IPO11: variants seen among roughly 807,000 people sequenced by gnomAD.
The protein encoded by IPO11 is importin 11.
Under a neutral mutation model 143.2 loss-of-function variants are expected in IPO11, and 66 were observed. That is an observed-to-expected ratio of 0.46 (90% CI 0.38 to 0.57). IPO11 has a LOEUF of 0.57. Ranked by LOEUF, IPO11 falls within the 20% of genes least tolerant of loss-of-function variation. The pLI is 0.00. For synonymous variants in IPO11, 385 were observed against 377.8 expected (o/e 1.02, Z -0.22); for missense variants, 1,026 against 1,141.0 (o/e 0.90, Z 1.45).
At chr5:62,560,664 A>C (rs1743739827) in intron 26 of IPO11, 1 of 152,368 alleles carries the variant, frequency 6.6e-6, no homozygotes, top group Admixed American at 6.5e-5. Context: ...TGTCTTAGGA[A>C]ATAATTCATT....
At chr5:62,544,861 A>C (rs571642493) in intron 24 of IPO11, among the ~76,000 whole-genome samples, 1 of 152,304 alleles carries the variant, frequency 6.6e-6, no homozygotes, top group African/African-American at 2.4e-5. Flanking sequence ...CTTCAAAGAG[A>C]ATAAAATACC....
chr5:62,609,434 A>G (rs1007316467), intron 29 of IPO11, among the ~76,000 whole-genome samples: 3 of 152,318 alleles, frequency 2.0e-5, no homozygotes, highest in Middle Eastern at 3.4e-3. Flanking sequence ...AAATCCCTAT[A>G]ATAAGGCCAA....
intron 1 of IPO11, among the ~76,000 whole-genome samples, chr5:62,436,866 GTTAC>G (rs1026226143): frequency 3.3e-5 from 5 of 152,158 alleles, no homozygotes; most frequent in Non-Finnish European, 5.9e-5. Context: ...AAAGTTAGGT[GTTAC>G]TTACTGTATG....
At chr5:62,499,167 C>G (rs1003165871) in intron 16 of IPO11, among the ~76,000 whole-genome samples, 6 of 152,084 alleles carry the variant, frequency 3.9e-5, no homozygotes, top group African/African-American at 1.4e-4. Context: ...AGGCGATTTC[C>G]TCATTGTGGG....
intron 24 of IPO11, among the ~76,000 whole-genome samples, chr5:62,547,263 A>G (rs1182276737): frequency 1.3e-5 from 2 of 152,166 alleles, no homozygotes; most frequent in African/African-American, 2.4e-5. Context: ...TGAATAGTAG[A>G]TAGAAATAAG....
intron 12 of IPO11, among the ~76,000 whole-genome samples, chr5:62,486,800 C>T (rs1580236121): frequency 6.6e-6 from 1 of 151,854 alleles, no homozygotes; most frequent in Admixed American, 6.6e-5. Context: ...TATAATGAGC[C>T]CTTCATGATA....
At chr5:62,555,044 T>C (rs1268827055) in intron 26 of IPO11, among the ~76,000 whole-genome samples, 1 of 152,192 alleles carries the variant, frequency 6.6e-6, no homozygotes, top group Non-Finnish European at 1.5e-5. Flanking sequence ...TCTGGTGGTG[T>C]GATGCCTCTA....
At chr5:62,510,439 T>G (rs1741706590) in intron 19 of IPO11, among the ~76,000 whole-genome samples, 1 of 152,184 alleles carries the variant, frequency 6.6e-6, no homozygotes, top group South Asian at 2.1e-4. Context: ...GTAAAACTAT[T>G]TGAGTTTTAG....
Position 62,515,450 on chromosome 5 carries a change from A to G in IPO11, c.1845A>G (p.Glu615=), listed in dbSNP as rs369338875. The change falls in exon 20 of 30, where the codon GAA becomes GAG. Residue 615 remains glutamate (E), a synonymous_variant. Coordinates refer to ENST00000325324, the MANE Select transcript of IPO11 (RefSeq NM_016338.5). ...YLPLLWKQSE[E]HNMLRCAILT... ...CCCTCCTTTGGAAGCAGAGTGAAGAACACAATATGTTGAGATGTGCTATTT... is the reference window on the plus strand; with the variant it reads ...CCCTCCTTTGGAAGCAGAGTGAAGAGCACAATATGTTGAGATGTGCTATTT... 34 of 1,611,308 alleles carry G rather than the reference A, an allele frequency of 2.1e-5. No homozygotes were observed. The highest frequency in any genetic ancestry group is 2.3e-5 in the Non-Finnish European group (27 of 1,179,006).
At chr5:62,608,840 A>T (rs1267087831) in intron 29 of IPO11, among the ~76,000 whole-genome samples, 1 of 152,216 alleles carries the variant, frequency 6.6e-6, no homozygotes, top group Non-Finnish European at 1.5e-5. Context: ...ATAAATGTAT[A>T]ACGATGTGTA....
At chr5:62,568,315 G>C (rs1474143769) in intron 27 of IPO11, among the ~76,000 whole-genome samples, 1 of 150,124 alleles carries the variant, frequency 6.7e-6, no homozygotes, top group African/African-American at 2.5e-5. Flanking sequence ...TTTTTCTTCT[G>C]CTTGATCAGT....
At chr5:62,452,969 A>C (rs1216562242) in intron 5 of IPO11, among the ~76,000 whole-genome samples, 1 of 150,422 alleles carries the variant, frequency 6.6e-6, no homozygotes, top group Non-Finnish European at 1.5e-5. Context: ...CCCATGCTTT[A>C]AAGTGTTTTT....
intron 16 of IPO11, 140 bp from the exon 17 acceptor site, chr5:62,504,527 A>T: frequency 1.8e-6 from 1 of 546,550 alleles, no homozygotes; most frequent in Non-Finnish European, 3.2e-6. Flanking sequence ...GTATCCCTTT[A>T]TTTCTGAATA....
chr5:62,579,491 C>T, intron 27 of IPO11: 1 of 1,550,774 alleles, frequency 6.4e-7, no homozygotes, highest in Non-Finnish European at 8.7e-7. Context: ...CTGGTTGTTA[C>T]CTGTTATCTT....
chr5:62,460,284 T>A (rs1162718660), intron 5 of IPO11, among the ~76,000 whole-genome samples: 5 of 152,042 alleles, frequency 3.3e-5, no homozygotes, highest in Admixed American at 6.6e-5. Context: ...ATCTTTTAAT[T>A]TTGAATAGTA....
chr5:62,533,755 G>GT (rs1322749909), intron 22 of IPO11, among the ~76,000 whole-genome samples: 2 of 152,090 alleles, frequency 1.3e-5, no homozygotes, highest in Non-Finnish European at 2.9e-5. Flanking sequence ...GAGGACAGGA[G>GT]TTTGAGACCA....
intron 4 of IPO11, among the ~76,000 whole-genome samples, chr5:62,450,466 C>T (rs547501068): frequency 6.6e-6 from 1 of 152,270 alleles, no homozygotes; most frequent in Admixed American, 6.5e-5. Context: ...ACCTATTGCA[C>T]TGCTGCTAGT....
At chr5:62,578,794 A>AG in intron 27 of IPO11, 1 of 216,168 alleles carries the variant, frequency 4.6e-6, no homozygotes, top group African/African-American at 2.6e-5. Flanking sequence ...CGGTGACTTA[A>AG]AAAAAAAAAA....
At chr5:62,530,000 T>C (rs968795086) in intron 21 of IPO11, among the ~76,000 whole-genome samples, 1 of 152,242 alleles carries the variant, frequency 6.6e-6, no homozygotes, top group African/African-American at 2.4e-5. Flanking sequence ...TCAGATTGGC[T>C]TATAATGGCC....
Sources: allele counts gnomAD v4.1 joint callset (sites outside exome capture counted in the v4.1 genomes callset), GRCh38; gene constraint gnomAD v4.1.1; transcripts MANE v1.5; gene names NCBI Gene and HGNC (gene_info 2026-07-23, HGNC 2026-07-21).